The following DAB1 variants were observed in gnomAD, a reference collection of about 807,000 sequenced individuals.
DAB1 encodes the protein DAB adaptor protein 1, also known as disabled homolog 1.
A neutral mutation model predicts 64.6 loss-of-function variants in DAB1; 15 were observed. The observed-to-expected ratio is 0.23, with a 90% confidence interval of 0.16 to 0.36. DAB1 has a LOEUF of 0.36. DAB1 is among the 10% of genes least tolerant of loss of function. DAB1 has a pLI of 1.00. For missense variants in DAB1, 596 were observed against 706.7 expected, an observed-to-expected ratio of 0.84 and a Z score of 1.78; for synonymous variants, 235 against 251.9, an observed-to-expected ratio of 0.93 and a Z score of 0.64.
intron 6 of DAB1, among the ~76,000 whole-genome samples, chr1:57,781,484 C>T (rs1424081691): frequency 6.6e-6 from 1 of 151,858 alleles, no homozygotes; most frequent in Non-Finnish European, 1.5e-5. Context: ...CTACTAAAAG[C>T]TTTACCTACT....
intron 3 of DAB1, among the ~76,000 whole-genome samples, chr1:58,356,216 C>T (rs901985636): frequency 6.6e-6 from 1 of 151,938 alleles, no homozygotes; most frequent in African/African-American, 2.4e-5. Context: ...AGTTGCCAAC[C>T]CTGGGCAGCC....
At chr1:57,836,113 CAT>C (rs1352116090) in intron 1 of DAB1, among the ~76,000 whole-genome samples, 1 of 152,162 alleles carries the variant, frequency 6.6e-6, no homozygotes, top group African/African-American at 2.4e-5. Flanking sequence ...GGAAGGAATT[CAT>C]ATTTATTACC....
intron 6 of DAB1, among the ~76,000 whole-genome samples, chr1:57,747,807 CAAAAAA>C (rs373640023): frequency 0.017 from 760 of 43,896 alleles, 4 homozygotes; most frequent in Non-Finnish European, 0.028. Flanking sequence ...GGACTCTGTC[CAAAAAA>C]AAAAAAAAAA....
In DAB1 at chr1:58,031,453, T is replaced by G. The variant is rs904063288; in HGVS notation, n.387+119058A>C. ...GATGGGAAAAAAGAGAGGCAGGACC[T>G]GAAATAAGAATCTTCAGTGAACAGG... On this transcript the variant is annotated intron_variant and non_coding_transcript_variant, in intron 5 of 20. Coordinates refer to the DAB1 transcript ENST00000485760. 6.6e-5 allele frequency among the ~76,000 whole-genome samples: 10 copies of G among 152,288 alleles called. No homozygotes were observed. In the South Asian group the frequency reaches 1.2e-3, roughly 19 times the overall value.
intron 4 of DAB1, among the ~76,000 whole-genome samples, chr1:58,158,185 G>A (rs1216104219): frequency 6.6e-6 from 1 of 152,076 alleles, no homozygotes; most frequent in Non-Finnish European, 1.5e-5. Context: ...CTTATGCACT[G>A]AGCCACAGAC....
At chr1:57,000,153 C>T (rs1442201981) in intron 14 of DAB1, among the ~76,000 whole-genome samples, 1 of 151,182 alleles carries the variant, frequency 6.6e-6, no homozygotes, top group Non-Finnish European at 1.5e-5. Flanking sequence ...ACACCATTCT[C>T]CTGCCTCAGC....
chr1:57,456,437 T>G (rs536260906), intron 7 of DAB1, among the ~76,000 whole-genome samples: 1 of 152,254 alleles, frequency 6.6e-6, no homozygotes, highest in African/African-American at 2.4e-5. Context: ...TCACCAGGAA[T>G]AGGCTCCATA....
intron 5 of DAB1, among the ~76,000 whole-genome samples, chr1:57,959,957 C>A (rs1382394555): frequency 6.6e-6 from 1 of 152,168 alleles, no homozygotes; most frequent in Non-Finnish European, 1.5e-5. Context: ...CTCTAGGCAA[C>A]CCTTGCATAA....
At chr1:57,770,890 A>T (rs938365999) in intron 6 of DAB1, among the ~76,000 whole-genome samples, 1 of 152,150 alleles carries the variant, frequency 6.6e-6, no homozygotes, top group African/African-American at 2.4e-5. Context: ...AGTCAGAGAT[A>T]CACAGATGGG....
intron 6 of DAB1, among the ~76,000 whole-genome samples, chr1:57,747,531 C>T (rs530769829): frequency 6.6e-6 from 1 of 152,010 alleles, no homozygotes; most frequent in African/African-American, 2.4e-5. Context: ...CATTGTAGGC[C>T]AGGCACGGTG....
chr1:58,225,032 G>C (rs1193374907), intron 4 of DAB1, among the ~76,000 whole-genome samples: 2 of 152,080 alleles, frequency 1.3e-5, no homozygotes, highest in Admixed American at 1.3e-4. Context: ...ACAACCTACA[G>C]AATGGGAGAA....
intron 7 of DAB1, among the ~76,000 whole-genome samples, chr1:57,473,156 A>T (rs1687201490): frequency 6.6e-6 from 1 of 152,224 alleles, no homozygotes; most frequent in Non-Finnish European, 1.5e-5. Context: ...AGTCAGACAG[A>T]CCTAGGTTCA....
intron 4 of DAB1, among the ~76,000 whole-genome samples, chr1:57,119,135 T>C (rs1656410793): frequency 6.6e-6 from 1 of 152,186 alleles, no homozygotes; most frequent in African/African-American, 2.4e-5. Flanking sequence ...GTGATTTGAT[T>C]CTCTTCAACT....
intron 1 of DAB1, among the ~76,000 whole-genome samples, chr1:57,411,456 C>T (rs1479089856): frequency 6.6e-6 from 1 of 152,214 alleles, no homozygotes; most frequent in Admixed American, 6.5e-5. Flanking sequence ...ATTGGGCAGC[C>T]AAATAACTGT....
At chr1:58,081,690 A>C (rs1570326562) in intron 5 of DAB1, among the ~76,000 whole-genome samples, 1 of 152,222 alleles carries the variant, frequency 6.6e-6, no homozygotes, top group Admixed American at 6.5e-5. Context: ...CCAGTTGCCC[A>C]CCTGGGCTAC....
intron 6 of DAB1, among the ~76,000 whole-genome samples, chr1:57,652,045 AT>A (rs1646262670): frequency 6.6e-6 from 1 of 152,190 alleles, no homozygotes; most frequent in Non-Finnish European, 1.5e-5. Flanking sequence ...TGTAAAGCTA[AT>A]GAGAAACCAG....
At chr1:58,403,582 A>G (rs1644590872) in intron 3 of DAB1, among the ~76,000 whole-genome samples, 1 of 152,160 alleles carries the variant, frequency 6.6e-6, no homozygotes, top group Non-Finnish European at 1.5e-5. Flanking sequence ...AATTAATGTC[A>G]CTAGCTGTGG....
At chr1:58,366,471 T>C (rs1644218911) in intron 3 of DAB1, among the ~76,000 whole-genome samples, 1 of 152,240 alleles carries the variant, frequency 6.6e-6, no homozygotes, top group African/African-American at 2.4e-5. Context: ...TCTGTGCATA[T>C]GTATGCATCC....
At chr1:57,671,454 A>C (rs1399706908) in intron 6 of DAB1, among the ~76,000 whole-genome samples, 1 of 152,110 alleles carries the variant, frequency 6.6e-6, no homozygotes, top group Admixed American at 6.6e-5. Flanking sequence ...AGTCAGACTC[A>C]GTAAGAAATC....
Sources: gnomAD v4.1 joint callset for allele counts (sites outside exome capture counted in the v4.1 genomes callset) on GRCh38, gnomAD v4.1.1 for gene constraint, MANE v1.5 for transcripts, NCBI Gene and HGNC (gene_info 2026-07-23, HGNC 2026-07-21) for gene names.